The following UMAD1 variants were observed in gnomAD, a reference collection of about 807,000 sequenced individuals.
The protein encoded by UMAD1 is UBAP1-MVB12-associated (UMA) domain containing 1.
A neutral mutation model predicts 6.1 loss-of-function variants in UMAD1; 8 were observed. The ratio of observed to expected loss-of-function variants is 1.30; its 90% CI spans 0.76 to 2.35. UMAD1 has a LOEUF of 2.35. Among genes scored for constraint, UMAD1 ranks in the 30% most tolerant of loss-of-function variants. The pLI is 0.00. For synonymous variants in UMAD1, 56 were observed against 31.4 expected, an observed-to-expected ratio of 1.78 and a Z score of -2.61; for missense variants, 130 against 78.4, an observed-to-expected ratio of 1.66 and a Z score of -2.49.
intron 3 of UMAD1, among the ~76,000 whole-genome samples, chr7:7,841,290 C>T (rs537978549): frequency 5.2e-4 from 78 of 150,514 alleles, no homozygotes; most frequent in Non-Finnish European, 7.8e-4. Flanking sequence ...ATTATAGCTA[C>T]GAACTGTCAA....
intron 3 of UMAD1, among the ~76,000 whole-genome samples, chr7:7,840,951 G>A (rs1017298131): frequency 1.3e-5 from 2 of 152,120 alleles, no homozygotes; most frequent in African/African-American, 4.8e-5. Flanking sequence ...TTAGGAGTTG[G>A]GTACCTTCTT....
chr7:7,810,525 T>G (rs943290929), intron 3 of UMAD1, among the ~76,000 whole-genome samples: 3 of 152,120 alleles, frequency 2.0e-5, no homozygotes, highest in Non-Finnish European at 4.4e-5. Flanking sequence ...AAAAATGCAA[T>G]ATACAAAATT....
intron 2 of UMAD1, chr7:7,742,583 A>G: frequency 2.0e-6 from 1 of 506,730 alleles, no homozygotes. Context: ...GGGTCAGGAC[A>G]ATTTCTAGAA....
At chr7:7,780,802 TGTTA>T (rs1406689069) in intron 2 of UMAD1, among the ~76,000 whole-genome samples, 1 of 152,240 alleles carries the variant, frequency 6.6e-6, no homozygotes, top group Non-Finnish European at 1.5e-5. Flanking sequence ...ACTTGTAGTT[TGTTA>T]TTCTCACTGT....
chr7:7,647,759 G>C (rs1227420972), intron 1 of UMAD1, among the ~76,000 whole-genome samples: 2 of 152,128 alleles, frequency 1.3e-5, no homozygotes, highest in East Asian at 3.9e-4. Context: ...ATCACACCCA[G>C]CTAATTTAAA....
intron 2 of UMAD1, among the ~76,000 whole-genome samples, chr7:7,712,451 G>A (rs1440333351): frequency 6.6e-6 from 1 of 151,956 alleles, no homozygotes; most frequent in Non-Finnish European, 1.5e-5. Flanking sequence ...TTCTTAGAGT[G>A]CTTTTTTGTT....
chr7:7,690,970 G>T (rs1336559548), intron 2 of UMAD1, among the ~76,000 whole-genome samples: 2 of 152,172 alleles, frequency 1.3e-5, no homozygotes. Flanking sequence ...AAGGAGTGCA[G>T]TTTCTTTCTG....
chr7:7,747,113 G>C (rs1487383376), intron 2 of UMAD1, among the ~76,000 whole-genome samples: 7 of 152,074 alleles, frequency 4.6e-5, no homozygotes, highest in Admixed American at 4.6e-4. Flanking sequence ...TGCATGGTGA[G>C]AAATAGTAAT....
chr7:7,729,551 A>G (rs1316343942), intron 2 of UMAD1, among the ~76,000 whole-genome samples: 8 of 152,154 alleles, frequency 5.3e-5, no homozygotes, highest in African/African-American at 1.7e-4. Flanking sequence ...TAAGGCTGCC[A>G]TCTTCTGAGC....
chr7:7,649,697 C>A (rs1368855017), intron 1 of UMAD1, among the ~76,000 whole-genome samples: 2 of 151,204 alleles, frequency 1.3e-5, no homozygotes, highest in Non-Finnish European at 2.9e-5. Context: ...TGGGGGGGCC[C>A]ACCCTACAAA....
chr7:7,786,553 A>G (rs764687056), intron 2 of UMAD1, among the ~76,000 whole-genome samples: 3 of 152,220 alleles, frequency 2.0e-5, no homozygotes, highest in Non-Finnish European at 2.9e-5. Context: ...AAGAGTAAAC[A>G]TTCAGAATTC....
chr7:7,660,105 A>C (rs1785437783), intron 1 of UMAD1, among the ~76,000 whole-genome samples: 1 of 152,182 alleles, frequency 6.6e-6, no homozygotes, highest in African/African-American at 2.4e-5. Context: ...CTGTTTTATC[A>C]GAGACTACGA....
intron 3 of UMAD1, among the ~76,000 whole-genome samples, chr7:7,835,622 G>A (rs28665322): frequency 1.5e-4 from 22 of 151,376 alleles, no homozygotes; most frequent in Non-Finnish European, 2.5e-4. Flanking sequence ...GTGCTATGAA[G>A]AAAACACAAT....
At chr7:7,813,414 C>T (rs58562871) in intron 3 of UMAD1, among the ~76,000 whole-genome samples, 3,673 of 152,248 alleles carry the variant, frequency 0.024, 151 homozygotes, top group African/African-American at 0.083. Context: ...CCGTATCGGC[C>T]AGGCTGGTCT....
chr7:7,795,590 G>A (rs1782660064), intron 2 of UMAD1, among the ~76,000 whole-genome samples: 1 of 152,188 alleles, frequency 6.6e-6, no homozygotes, highest in South Asian at 2.1e-4. Context: ...CTGCTGGTTG[G>A]CTATTTTTAT....
intron 2 of UMAD1, among the ~76,000 whole-genome samples, chr7:7,760,768 T>A (rs1781872856): frequency 6.6e-6 from 1 of 152,066 alleles, no homozygotes; most frequent in East Asian, 1.9e-4. Flanking sequence ...AAGAATAGAC[T>A]AAAAGAGAAG....
At chr7:7,835,091 G>A (rs1014944729) in intron 3 of UMAD1, among the ~76,000 whole-genome samples, 1 of 152,128 alleles carries the variant, frequency 6.6e-6, no homozygotes, top group Non-Finnish European at 1.5e-5. Flanking sequence ...GGTGAGATTT[G>A]GGTGGAAACA....
At chr7:7,710,100 C>T (rs987326932) in intron 2 of UMAD1, among the ~76,000 whole-genome samples, 3 of 152,174 alleles carry the variant, frequency 2.0e-5, no homozygotes, top group Non-Finnish European at 2.9e-5. Flanking sequence ...TATCTGGTCT[C>T]ATCTATATTG....
At chr7:7,675,062 G>C (rs899536686) in intron 2 of UMAD1, among the ~76,000 whole-genome samples, 2 of 151,968 alleles carry the variant, frequency 1.3e-5, no homozygotes, top group African/African-American at 4.8e-5. Context: ...ATGGGGTCTT[G>C]CCATGTTGCC....
Sources: allele counts gnomAD v4.1 joint callset (sites outside exome capture counted in the v4.1 genomes callset), GRCh38; gene constraint gnomAD v4.1.1; transcripts MANE v1.5; gene names NCBI Gene and HGNC (gene_info 2026-07-23, HGNC 2026-07-21).